Variants in ESRRB observed in about 807,000 individuals in gnomAD.
ESRRB encodes the protein steroid hormone receptor ERR2.
A neutral mutation model predicts 46.0 loss-of-function variants in ESRRB; 16 were observed. That is an observed-to-expected ratio of 0.35 (90% CI 0.24 to 0.53). The LOEUF is 0.53. Among genes scored for constraint, ESRRB ranks in the 20% least tolerant of loss-of-function variants. The pLI is 0.93. For synonymous variants in ESRRB, 246 were observed against 259.6 expected (o/e 0.95, Z 0.50); for missense variants, 488 against 607.4 (o/e 0.80, Z 2.07).
At chr14:76,425,736 T>C (rs760288342) in intron 1 of ESRRB, among the ~76,000 whole-genome samples, 38 of 152,156 alleles carry the variant, frequency 2.5e-4, no homozygotes, top group Admixed American at 5.2e-4. Flanking sequence ...TGAGACAGGG[T>C]CTCACTCTGT....
chr14:76,352,925 G>T (rs1051891773), intron 1 of ESRRB, among the ~76,000 whole-genome samples: 2 of 152,168 alleles, frequency 1.3e-5, no homozygotes, highest in African/African-American at 4.8e-5. Flanking sequence ...TGAGCGCTCC[G>T]CACACTCTGA....
At chr14:76,446,651 C>T (rs1273036357) in intron 2 of ESRRB, among the ~76,000 whole-genome samples, 1 of 152,172 alleles carries the variant, frequency 6.6e-6, no homozygotes, top group Non-Finnish European at 1.5e-5. Flanking sequence ...TAGGGACAGC[C>T]TGATGTGATT....
At chr14:76,352,995 C>T (rs1412920153) in intron 1 of ESRRB, among the ~76,000 whole-genome samples, 9 of 151,128 alleles carry the variant, frequency 6.0e-5, no homozygotes, top group Non-Finnish European at 1.3e-4. Context: ...GCGGGCCGCG[C>T]GCAGGGTCGC....
At chr14:76,452,637 C>CAA (rs1566906522) in intron 2 of ESRRB, among the ~76,000 whole-genome samples, 1 of 40,426 alleles carries the variant, frequency 2.5e-5, no homozygotes, top group African/African-American at 1.7e-4. Flanking sequence ...AAAAACAAAA[C>CAA]AAAAACAAAA....
At chr14:76,436,807 G>A (rs996040391) in intron 1 of ESRRB, among the ~76,000 whole-genome samples, 1 of 152,166 alleles carries the variant, frequency 6.6e-6, no homozygotes, top group African/African-American at 2.4e-5. Context: ...GGGGCTTATA[G>A]GAGAGTGTCT....
At chr14:76,383,230 C>G (rs373978039) in intron 1 of ESRRB, among the ~76,000 whole-genome samples, 1 of 152,128 alleles carries the variant, frequency 6.6e-6, no homozygotes, top group Non-Finnish European at 1.5e-5. Flanking sequence ...CCCCAAATAC[C>G]AAATGTGGTT....
chr14:76,458,121 A>T (rs1376111895), intron 2 of ESRRB, among the ~76,000 whole-genome samples: 1 of 152,142 alleles, frequency 6.6e-6, no homozygotes, highest in Non-Finnish European at 1.5e-5. Context: ...CCCAGGTTAG[A>T]ACCTGGAATT....
chr14:76,355,266 AG>A (rs1884365891), intron 1 of ESRRB, among the ~76,000 whole-genome samples: 1 of 152,186 alleles, frequency 6.6e-6, no homozygotes, highest in African/African-American at 2.4e-5. Context: ...GCTGCTCTAT[AG>A]GGCAGCTTGG....
chr14:76,458,313 A>T (rs1344913063), intron 2 of ESRRB, among the ~76,000 whole-genome samples: 1 of 152,136 alleles, frequency 6.6e-6, no homozygotes, highest in Non-Finnish European at 1.5e-5. Context: ...GGAGGCACTT[A>T]AAAAAATTAC....
intron 1 of ESRRB, among the ~76,000 whole-genome samples, chr14:76,421,235 T>C (rs543227429): frequency 6.6e-6 from 1 of 152,230 alleles, no homozygotes; most frequent in Admixed American, 6.5e-5. Context: ...CCTCCAGAGA[T>C]GTGTAACCCC....
chr14:76,361,524 C>G (rs1375563370), intron 1 of ESRRB, among the ~76,000 whole-genome samples: 2 of 152,150 alleles, frequency 1.3e-5, no homozygotes, highest in Non-Finnish European at 2.9e-5. Context: ...TGAGAGTTAT[C>G]TCAGCAACAC....
intron 1 of ESRRB, among the ~76,000 whole-genome samples, chr14:76,332,800 T>A (rs2139740036): frequency 8.5e-5 from 1 of 11,778 alleles, no homozygotes; most frequent in African/African-American, 2.0e-4. Flanking sequence ...AAATATATAA[T>A]ATATTTATAT....
At chr14:76,347,950 G>A (rs1176110024) in intron 1 of ESRRB, among the ~76,000 whole-genome samples, 3 of 152,114 alleles carry the variant, frequency 2.0e-5, no homozygotes, top group East Asian at 1.9e-4. Flanking sequence ...GGTGGATGCT[G>A]GATAGATGGC....
intron 1 of ESRRB, among the ~76,000 whole-genome samples, chr14:76,327,023 C>T (rs1484109454): frequency 3.3e-5 from 5 of 152,242 alleles, no homozygotes; most frequent in East Asian, 1.9e-4. Context: ...CGGGTGACCT[C>T]GCAGCTGTGC....
chr14:76,315,058 C>T (rs58328179), intron 1 of ESRRB, among the ~76,000 whole-genome samples: 12,431 of 152,050 alleles, frequency 0.082, 650 homozygotes, highest in East Asian at 0.23. Flanking sequence ...TTTTTTTCTA[C>T]AGCATCCCCT....
intron 3 of ESRRB, among the ~76,000 whole-genome samples, chr14:76,466,124 C>G (rs1007998750): frequency 2.0e-5 from 3 of 152,132 alleles, no homozygotes; most frequent in Non-Finnish European, 4.4e-5. Context: ...CAAACTTCAC[C>G]TTCCCCAGGG....
At chr14:76,374,325 C>G (rs1884693965), upstream of ESRRB, among the ~76,000 whole-genome samples, 1 of 152,096 alleles carries the variant, frequency 6.6e-6, no homozygotes, top group Non-Finnish European at 1.5e-5. Flanking sequence ...CTGTGATAAA[C>G]TACCCAAAGC....
At chr14:76,343,932 G>T (rs1191466584) in intron 1 of ESRRB, among the ~76,000 whole-genome samples, 1 of 152,202 alleles carries the variant, frequency 6.6e-6, no homozygotes, top group Non-Finnish European at 1.5e-5. Context: ...GTAGGTAATG[G>T]TAAGACATTT....
At position 76,500,457 on chromosome 14, in the gene ESRRB, A is replaced by G. The variant is rs1205839960; in HGVS notation, c.*1999A>G. On this transcript the variant is annotated 3_prime_UTR_variant, in exon 7 of 7. Transcript: ENST00000644823. ...CCCCTTCTTGGCATCAAGGAACACC[A>G]GCTACAAACCAAGTCTAGCACAGTG... 1.7e-6 allele frequency: 1 copy of G among 595,662 alleles called. No individual in the cohort carries two copies. The highest frequency in any genetic ancestry group is 2.8e-5 in the East Asian group (1 of 36,144). The allele number at this position is 595,662 out of a possible 1,614,324, so 36.9% of individuals were successfully genotyped here.
Sources: allele counts gnomAD v4.1 joint callset (sites outside exome capture counted in the v4.1 genomes callset), GRCh38; gene constraint gnomAD v4.1.1; transcripts MANE v1.5; gene names NCBI Gene and HGNC (gene_info 2026-07-23, HGNC 2026-07-21).